Variants in SMCO2 observed in about 807,000 individuals in gnomAD.
The protein encoded by SMCO2 is single-pass membrane protein with coiled-coil domains 2, also known as single-pass membrane and coiled-coil domain-containing protein 2.
A neutral mutation model predicts 29.5 loss-of-function variants in SMCO2; 25 were observed. The observed-to-expected ratio is 0.85, with a 90% CI of 0.62 to 1.18. SMCO2 has a LOEUF of 1.18. SMCO2 is among the 50% of genes most tolerant of loss of function. The pLI, the probability that SMCO2 is intolerant of heterozygous loss-of-function variation, is 0.00. For synonymous variants in SMCO2, 117 were observed against 123.3 expected (o/e 0.95, Z 0.34); for missense variants, 348 against 344.5 (o/e 1.01, Z -0.08).
At chr12:27,479,601 G>T (rs975370573) in intron 4 of SMCO2, among the ~76,000 whole-genome samples, 1 of 152,120 alleles carries the variant, frequency 6.6e-6, no homozygotes, top group Non-Finnish European at 1.5e-5. Flanking sequence ...ATCTTGAATT[G>T]TAGCTCCCAT....
chr12:27,470,500 G>GT (rs35052632), intron 1 of SMCO2, 122 bp from the exon 2 acceptor site: 881,858 of 1,116,008 alleles, frequency 0.79, 351,050 homozygotes, highest in Middle Eastern at 0.92. Flanking sequence ...TGAACAGCCA[G>GT]TTGAAAGGGG....
the SMCO2 span, among the ~76,000 whole-genome samples, chr12:27,434,309 T>C: frequency 1.3e-5 from 2 of 152,202 alleles, no homozygotes; most frequent in African/African-American, 4.8e-5. Flanking sequence ...ATAGGCCCTC[T>C]ACGTGATTCC....
the SMCO2 span, among the ~76,000 whole-genome samples, chr12:27,434,296 G>T: frequency 0.74 from 112,698 of 152,004 alleles, 42,231 homozygotes; most frequent in Middle Eastern, 0.9. Context: ...CCAGAAACAT[G>T]TAATAGGCCC....
intron 5 of SMCO2, 65 bp downstream of exon 6, chr12:27,488,612 T>A: frequency 8.2e-7 from 1 of 1,222,882 alleles, no homozygotes. Context: ...CCCTACTACC[T>A]TTCTATTGTT....
chr12:27,472,248 G>A (rs547138964), intron 2 of SMCO2, among the ~76,000 whole-genome samples: 15 of 152,188 alleles, frequency 9.9e-5, no homozygotes, highest in African/African-American at 3.6e-4. Context: ...GGTCTATTCT[G>A]TATAATATAT....
intron 7 of SMCO2, among the ~76,000 whole-genome samples, chr12:27,501,053 G>A (rs1943068805): frequency 2.7e-5 from 4 of 150,438 alleles, no homozygotes; most frequent in Non-Finnish European, 1.5e-5. Flanking sequence ...AATAATGCAA[G>A]GACTTAGAAT....
intron 2 of SMCO2, 134 bp downstream of exon 2, chr12:27,470,899 T>C (rs1001083836): frequency 2.8e-6 from 3 of 1,075,484 alleles, no homozygotes. Flanking sequence ...ATTTATCTAA[T>C]TTTAATCTCA....
In SMCO2 at chr12:27,501,367, G is replaced by C. The variant is rs550356907; in HGVS notation, c.684-556G>C. Among the ~76,000 whole-genome samples, 92 of 136,746 alleles carry C rather than the reference G, an allele frequency of 6.7e-4. 5 individuals carry two copies. Among genetic ancestry groups the C allele is most frequent in the African/African-American group, 2.5e-3 (85 of 34,602 alleles). The allele number at this position is 136,746 out of a possible 152,430, so 89.7% of individuals were successfully genotyped here. On this transcript the variant is annotated intron_variant, in intron 7 of 7. Coordinates refer to ENST00000298876, the Ensembl canonical transcript of SMCO2. The stretch of plus-strand genomic sequence containing the variant: ...AGAGGCAGAGCTTGCAGTGAGCCGG[G>C]ATAGCGCCACTGCAGTCCAGCTTGG...
At chr12:27,434,580 C>T in the SMCO2 span, among the ~76,000 whole-genome samples, 4 of 151,970 alleles carry the variant, frequency 2.6e-5, no homozygotes, top group Admixed American at 2.6e-4. Flanking sequence ...AGATATGTTT[C>T]AGGAAAACAA....
At chr12:27,444,946 T>A in the SMCO2 span, among the ~76,000 whole-genome samples, 2 of 152,166 alleles carry the variant, frequency 1.3e-5, no homozygotes, top group African/African-American at 4.8e-5. Flanking sequence ...TAAGTGCCCA[T>A]CAATGGATGA....
the SMCO2 span, among the ~76,000 whole-genome samples, chr12:27,453,995 G>C: frequency 6.6e-6 from 1 of 151,778 alleles, no homozygotes; most frequent in African/African-American, 2.4e-5. Flanking sequence ...TCTTTTTTGT[G>C]GGGGAGGGGG....
chr12:27,435,524 CCTCTCT>C, the SMCO2 span, among the ~76,000 whole-genome samples: 4 of 142,030 alleles, frequency 2.8e-5, no homozygotes, highest in African/African-American at 1.1e-4. Context: ...TGCTTTGTTA[CCTCTCT>C]CTCTCTCTCT....
chr12:27,446,486 C>G, the SMCO2 span: 1 of 152,186 alleles, frequency 6.6e-6, no homozygotes, highest in African/African-American at 2.4e-5. Context: ...GTCAATAACA[C>G]AGAAACTTAC....
intron 5 of SMCO2, among the ~76,000 whole-genome samples, chr12:27,492,198 G>T (rs1487650608): frequency 1.3e-5 from 2 of 152,036 alleles, no homozygotes; most frequent in African/African-American, 4.8e-5. Flanking sequence ...AACTGCTATG[G>T]CACTTAGCGT....
At chr12:27,487,560 A>G (rs1949699060) in intron 4 of SMCO2, among the ~76,000 whole-genome samples, 1 of 152,166 alleles carries the variant, frequency 6.6e-6, no homozygotes, top group African/African-American at 2.4e-5. Context: ...ATAAGTCTTC[A>G]TTTCTCTGGT....
chr12:27,424,517 A>G, the SMCO2 span: 1 of 152,206 alleles, frequency 6.6e-6, no homozygotes, highest in African/African-American at 2.4e-5. Flanking sequence ...GAAAGTGTTT[A>G]TTTACAGTGT....
At chr12:27,450,970 G>GAC in the SMCO2 span, among the ~76,000 whole-genome samples, 76 of 152,302 alleles carry the variant, frequency 5.0e-4, no homozygotes, top group African/African-American at 1.8e-3. Context: ...AGCTTTAGGA[G>GAC]ACACTGATTT....
chr12:27,435,776 A>G, the SMCO2 span, among the ~76,000 whole-genome samples: 2 of 152,274 alleles, frequency 1.3e-5, no homozygotes, highest in African/African-American at 4.8e-5. Flanking sequence ...GATACCAGGC[A>G]TCTCTGGAGA....
chr12:27,500,861 A>G (rs1565685068), intron 7 of SMCO2, among the ~76,000 whole-genome samples: 4 of 150,624 alleles, frequency 2.7e-5, no homozygotes, highest in Non-Finnish European at 5.9e-5. Flanking sequence ...TCTGGTTTAT[A>G]AAACCACTGA....
Sources: gnomAD v4.1 joint callset for allele counts (sites outside exome capture counted in the v4.1 genomes callset) on GRCh38, gnomAD v4.1.1 for gene constraint, MANE v1.5 for transcripts, NCBI Gene and HGNC (gene_info 2026-07-23, HGNC 2026-07-21) for gene names.